The following MSANTD2 variants were observed in gnomAD, a reference collection of about 807,000 sequenced individuals.
MSANTD2 encodes the protein myb/SANT-like DNA-binding domain-containing protein 2.
Under a neutral mutation model 52.6 loss-of-function variants are expected in MSANTD2, and 19 were observed. The ratio of observed to expected loss-of-function variants is 0.36; its 90% CI spans 0.25 to 0.53. The LOEUF (loss-of-function observed/expected upper bound fraction) is 0.53, where lower values mean the gene tolerates loss of function less well. Among genes scored for constraint, MSANTD2 ranks in the 20% least tolerant of loss-of-function variants. MSANTD2 has a pLI of 0.91. For missense variants in MSANTD2, 558 were observed against 716.3 expected, an observed-to-expected ratio of 0.78 and a Z score of 2.52; for synonymous variants, 291 against 289.7, an observed-to-expected ratio of 1.00 and a Z score of -0.04.
chr11:124,767,889 G>A lies in MSANTD2; in HGVS notation c.967C>T (p.Arg323Cys), dbSNP rs753453391. The change falls in exon 4 of 4, where the codon CGT (arginine) becomes TGT (cysteine). Residue 323 changes from arginine to cysteine, a missense_variant. Coordinates refer to ENST00000374979, the MANE Select transcript of MSANTD2 (RefSeq NM_001308027.2). The surrounding 1 kb of genome is among the most constrained non-coding windows in gnomAD (Gnocchi z 6.5). ...TGGTAACGGATATCCTCTTTCCAACGGGTGTTATAACCAATTCCAAAAATG... is the reference window on the plus strand; with the variant it reads ...TGGTAACGGATATCCTCTTTCCAACAGGTGTTATAACCAATTCCAAAAATG... ...LAIFGIGYNT[R>C]WKEDIRYHYA... is the part of the protein sequence containing the mutation. The A allele has an allele frequency of 6.2e-6, 10 of 1,614,072 alleles. No individual in the cohort carries two copies. Among genetic ancestry groups the A allele is most frequent in the Non-Finnish European group, 6.8e-6 (8 of 1,180,028 alleles).
chr11:124,790,726 A>T (rs1321271440), intron 1 of MSANTD2: 2 of 152,764 alleles, frequency 1.3e-5, no homozygotes, highest in Admixed American at 6.5e-5. Context: ...GATTAGAATA[A>T]AGTCCAAACG....
At chr11:124,788,321 T>TA (rs1945227202) in intron 1 of MSANTD2, among the ~76,000 whole-genome samples, 1 of 152,152 alleles carries the variant, frequency 6.6e-6, no homozygotes, top group Non-Finnish European at 1.5e-5. Context: ...CTCTTGGAGT[T>TA]AAACAAAATA....
In MSANTD2 at chr11:124,777,902, GAA is replaced by G. The variant is rs11367972; in HGVS notation, c.511-2930_511-2929del. 7.3e-5 allele frequency among the ~76,000 whole-genome samples: 11 copies of G among 151,108 alleles called. 1 individual carries two copies. The highest frequency in any genetic ancestry group is 1.9e-4 in the African/African-American group (8 of 41,268). On this transcript the variant is annotated intron_variant, in intron 1 of 3. Transcript: ENST00000374979. ...AGGCTATTTAAATCACATCAACTAA[GAA>G]AAAAAAAGAGTAAGAACTGAAACTT...
Position 124,786,100 on chromosome 11 carries a change from T to C in MSANTD2, c.511-11126A>G, listed in dbSNP as rs963447235. Among the ~76,000 whole-genome samples, 5 of 116,092 alleles carry C rather than the reference T, an allele frequency of 4.3e-5. No individual in the cohort carries two copies. The East Asian group carries it at 1.4e-3, about 33-fold the overall frequency. The allele number at this position is 116,092 out of a possible 152,430, so 76.2% of individuals were successfully genotyped here. ...TTTGCCCTGCATCATTTCTTCTTTT[T>C]TTTTTTTTTTTTTTTTTAGTATGGG... On this transcript the variant is annotated intron_variant, in intron 1 of 3. Transcript: ENST00000374979.
At chr11:124,782,226 C>T (rs541277014) in intron 1 of MSANTD2, among the ~76,000 whole-genome samples, 3 of 151,486 alleles carry the variant, frequency 2.0e-5, no homozygotes, top group South Asian at 2.1e-4. Flanking sequence ...GGCTGGAGGA[C>T]GCTTCAAGGC....
rs565238421 is a variant in MSANTD2, at chr11:124,799,806, C to T, written c.510+65G>A. On this transcript the variant is annotated intron_variant, in intron 1 of 3. Transcript: ENST00000374979. ...CTGCCCTCAGACCGGCCCCCGCCCC[C>T]GAGGCCCGCTTCCCCGCCTTCTCTC... 2.5e-5 allele frequency: 33 copies of T among 1,303,884 alleles called. No individual in the cohort carries two copies. The African/African-American group carries it at 4.6e-4, about 18-fold the overall frequency. 80.8% of individuals were successfully genotyped at this position (1,303,884 alleles called of 1,614,324 possible).
At chr11:124,778,780 A>G (rs1944841725) in intron 1 of MSANTD2, among the ~76,000 whole-genome samples, 1 of 152,210 alleles carries the variant, frequency 6.6e-6, no homozygotes, top group Admixed American at 6.5e-5. Context: ...GACAGAGTGA[A>G]AGTTTTGCCA....
At chr11:124,794,964 C>T (rs891202502) in intron 1 of MSANTD2, among the ~76,000 whole-genome samples, 3 of 152,154 alleles carry the variant, frequency 2.0e-5, no homozygotes, top group African/African-American at 4.8e-5. Context: ...CTGCAAACTC[C>T]ACCTCCCAAC....
Position 124,774,638 on chromosome 11 carries a change from C to A in MSANTD2, c.766+81G>T. 1 of 1,377,730 alleles carries A rather than the reference C, an allele frequency of 7.3e-7. No individual in the cohort carries two copies. The allele number at this position is 1,377,730 out of a possible 1,614,324, so 85.3% of individuals were successfully genotyped here. ...TAGGGAACAGTACCAAAGATATTTA[C>A]AGGTAATAAGTACTGGTGCACATAC... is the stretch of plus-strand genomic sequence containing the variant. On this transcript the variant is annotated intron_variant, in intron 2 of 3. Transcript: ENST00000374979. The surrounding 1 kb of genome is among the most constrained non-coding windows in gnomAD (Gnocchi z 5.1).
chr11:124,766,527 T>A lies in MSANTD2; in HGVS notation c.*649A>T, dbSNP rs373412952. On this transcript the variant is annotated 3_prime_UTR_variant, in exon 4 of 4. Transcript: ENST00000374979. The stretch of plus-strand genomic sequence containing the variant: ...AGGAATTACTTTAATTTTTTTTTTT[T>A]AAAAAAAGGTTTAAATGGCAACACA... 54 of 151,580 alleles carry A rather than the reference T, an allele frequency of 3.6e-4. No individual in the cohort carries two copies. The highest frequency in any genetic ancestry group is 7.7e-4 in the East Asian group (4 of 5,166). 9.4% of individuals were successfully genotyped at this position (151,580 alleles called of 1,614,324 possible).
intron 3 of MSANTD2, among the ~76,000 whole-genome samples, 192 bp downstream of exon 3, chr11:124,772,802 C>T (rs1021925727): frequency 6.7e-6 from 1 of 148,286 alleles, no homozygotes. Flanking sequence ...CCTGGAATTA[C>T]CAGTGATGCT....
intron 1 of MSANTD2, chr11:124,775,207 C>T (rs1040812608): frequency 6.6e-6 from 3 of 453,992 alleles, no homozygotes; most frequent in Non-Finnish European, 7.8e-6. Context: ...CATTAAACAA[C>T]AAGAAACATT....
intron 1 of MSANTD2, among the ~76,000 whole-genome samples, chr11:124,780,902 G>A (rs1429744875): frequency 6.6e-6 from 1 of 152,196 alleles, no homozygotes; most frequent in Non-Finnish European, 1.5e-5. Flanking sequence ...GCATACAAGG[G>A]CCGGGTGCGG....
chr11:124,775,114 CATT>C, intron 1 of MSANTD2, 140 bp from the exon 2 acceptor site: 1 of 695,766 alleles, frequency 1.4e-6, no homozygotes, highest in Admixed American at 3.4e-5. Flanking sequence ...ATTTCAAATT[CATT>C]ATTATATTAG....
intron 1 of MSANTD2, among the ~76,000 whole-genome samples, chr11:124,781,093 G>T (rs1373950604): frequency 6.6e-6 from 1 of 150,408 alleles, no homozygotes; most frequent in East Asian, 2.0e-4. Flanking sequence ...TGAGGCAGGA[G>T]AATCACTTGA....
At chr11:124,771,344 T>A (rs1294090830) in intron 3 of MSANTD2, among the ~76,000 whole-genome samples, 1 of 152,198 alleles carries the variant, frequency 6.6e-6, no homozygotes, top group South Asian at 2.1e-4. Flanking sequence ...AAACTCCTCA[T>A]CCCTGAACTC....
chr11:124,796,607 C>T (rs775913913), intron 1 of MSANTD2, among the ~76,000 whole-genome samples: 18 of 152,152 alleles, frequency 1.2e-4, no homozygotes, highest in Non-Finnish European at 1.9e-4. Flanking sequence ...CTACTGTACC[C>T]GGCTCATAAT....
chr11:124,789,759 G>A (rs1945272241), intron 1 of MSANTD2: 1 of 152,176 alleles, frequency 6.6e-6, no homozygotes, highest in Non-Finnish European at 1.5e-5. Flanking sequence ...AACAATCGGA[G>A]GGGAGGGGAA....
chr11:124,777,826 T>C (rs1944800102), intron 1 of MSANTD2, among the ~76,000 whole-genome samples: 1 of 152,174 alleles, frequency 6.6e-6, no homozygotes, highest in Admixed American at 6.5e-5. Flanking sequence ...AAGATATAAA[T>C]GCACTTAAGA....
Sources: gnomAD v4.1 joint callset for allele counts (sites outside exome capture counted in the v4.1 genomes callset) on GRCh38, gnomAD v4.1.1 for gene constraint, Gnocchi (gnomAD v3.1) non-coding constraint, MANE v1.5 for transcripts, NCBI Gene and HGNC (gene_info 2026-07-23, HGNC 2026-07-21) for gene names.